The following KCTD15 variants were observed in gnomAD, a reference collection of about 807,000 sequenced individuals.
KCTD15 encodes potassium channel tetramerization domain containing 15, also known as BTB/POZ domain-containing protein KCTD15.
In KCTD15, 11 loss-of-function variants were observed where a neutral mutation model predicts 27.2. That is an observed-to-expected ratio of 0.41 (90% CI 0.25 to 0.67). The LOEUF (loss-of-function observed/expected upper bound fraction) is 0.67, where lower values mean the gene tolerates loss of function less well. Among genes scored for constraint, KCTD15 ranks in the 30% least tolerant of loss-of-function variants. The pLI is 0.35. For synonymous variants in KCTD15, 163 were observed against 176.0 expected (o/e 0.93, Z 0.58); for missense variants, 350 against 409.3 (o/e 0.86, Z 1.25).
At chr19:33,801,637 G>A (rs77934343) in intron 4 of KCTD15, 4,595 of 299,888 alleles carry the variant, frequency 0.015, 66 homozygotes, top group Non-Finnish European at 0.024. Context: ...GCCTGAGCCT[G>A]CCGGCAGCGG....
chr19:33,797,271 T>TGTGTGTGTGTGA (rs992956752), intron 1 of KCTD15: 2 of 306,252 alleles, frequency 6.5e-6, no homozygotes, highest in Non-Finnish European at 1.3e-5. Context: ...TGTGTGTGTG[T>TGTGTGTGTGTGA]GTGTGTGTGT....
At chr19:33,799,456 T>G (rs558907393) in intron 2 of KCTD15, 1 of 152,378 alleles carries the variant, frequency 6.6e-6, no homozygotes, top group East Asian at 1.9e-4. Flanking sequence ...ACTATTCACG[T>G]GCAAATCTCC....
intron 5 of KCTD15, 97 bp from the exon 6 acceptor site, chr19:33,811,150 A>G (rs1056457826): frequency 2.9e-6 from 3 of 1,046,056 alleles, no homozygotes; most frequent in South Asian, 1.6e-5. Flanking sequence ...CAGTTCCTGC[A>G]GAATTGGTTG....
At position 33,811,381 on chromosome 19, in the gene KCTD15, G is replaced by C; in HGVS notation, c.522G>C (p.Thr174=). Residue 174 remains threonine, a synonymous_variant, in exon 6 of 7, where the codon ACG becomes ACC. Transcript: ENST00000683859. ...RACDCLVVRV[T]PDLGERIALS... is the part of the protein sequence containing the mutation. ...GTGACTGCCTGGTGGTGCGCGTCAC[G>C]CCCGACTTGGGCGAGCGGATCGCAC... 1 of 1,596,458 alleles carries C rather than the reference G, an allele frequency of 6.3e-7. No individual in the cohort carries two copies. The highest frequency in any genetic ancestry group is 8.5e-7 in the Non-Finnish European group (1 of 1,172,216).
At chr19:33,797,772 A>G (rs1029884102) in intron 1 of KCTD15, among the ~76,000 whole-genome samples, 3 of 152,234 alleles carry the variant, frequency 2.0e-5, no homozygotes, top group Non-Finnish European at 4.4e-5. Context: ...TCAAATGTGC[A>G]TGAAGGAATT....
chr19:33,811,566 G>C lies in KCTD15; in HGVS notation c.693+14G>C, dbSNP rs574936140. The C allele has an allele frequency of 4.8e-5, 76 of 1,582,162 alleles. 1 individual carries two copies. In the South Asian group the frequency reaches 8.3e-4, roughly 17 times the overall value. On this transcript the variant is annotated intron_variant, in intron 6 of 6. Coordinates refer to ENST00000683859, the MANE Select transcript of KCTD15 (RefSeq NM_001129994.2). ...AACTCGGTACAGGTGAGGGCTGCAC[G>C]CTGCCCCCTCCCCGCCGCACCCCCG...
At position 33,813,215 on chromosome 19, in the gene KCTD15, C is replaced by A; in HGVS notation, c.*267C>A. The A allele has an allele frequency of 1.6e-6, 1 of 639,412 alleles. No homozygotes were observed. Among genetic ancestry groups the A allele is most frequent in the Non-Finnish European group, 2.9e-6 (1 of 348,572 alleles). 39.6% of individuals were successfully genotyped at this position (639,412 alleles called of 1,614,324 possible). ...TCTCCCAGCCCCTCAGCTTCGCAGC[C>A]TGGCGCAGCATCCTCTGAGGCCCCG... is the stretch of plus-strand genomic sequence containing the variant. On this transcript the variant is annotated 3_prime_UTR_variant, in exon 7 of 7. Transcript: ENST00000683859.
intron 5 of KCTD15, among the ~76,000 whole-genome samples, chr19:33,808,790 C>T (rs1373842996): frequency 6.6e-6 from 1 of 152,050 alleles, no homozygotes; most frequent in Non-Finnish European, 1.5e-5. Flanking sequence ...TGGGTGGAGG[C>T]TTTGGATGGA....
At chr19:33,802,062 G>A (rs1256034290) in intron 4 of KCTD15, among the ~76,000 whole-genome samples, 1 of 152,182 alleles carries the variant, frequency 6.6e-6, no homozygotes, top group Non-Finnish European at 1.5e-5. Flanking sequence ...GGTTTGGGGT[G>A]CTGGGTGCTG....
Position 33,806,953 on chromosome 19 carries a change from C to T in KCTD15, c.333C>T (p.Arg111=). ...TTGACCGGGATGGGGAGATTTTCCG[C>T]TACGTCCTGAGCTTCCTGCGGACGT... ...YFIDRDGEIF[R]YVLSFLRTSK... Residue 111 remains arginine (R), a synonymous_variant, in exon 5 of 7, where the codon CGC becomes CGT. Transcript: ENST00000683859. 1.2e-6 allele frequency: 2 copies of T among 1,614,202 alleles called. No individual in the cohort carries two copies.
chr19:33,807,083 T>C, intron 5 of KCTD15, 76 bp downstream of exon 5: 2 of 1,479,404 alleles, frequency 1.4e-6, no homozygotes, highest in East Asian at 2.3e-5. Flanking sequence ...ACTTAATAAG[T>C]GGACCCCTGG....
At chr19:33,805,755 C>T (rs574416483) in intron 4 of KCTD15, among the ~76,000 whole-genome samples, 1 of 152,312 alleles carries the variant, frequency 6.6e-6, no homozygotes, top group African/African-American at 2.4e-5. Flanking sequence ...CTTGGCTACT[C>T]CCACCCCTCT....
chr19:33,800,378 C>A, intron 2 of KCTD15, 50 bp from the exon 3 acceptor site: 1 of 1,421,940 alleles, frequency 7.0e-7, no homozygotes, highest in Non-Finnish European at 9.7e-7. Context: ...CCCCATGGTA[C>A]ATGACTAGGA....
At chr19:33,804,229 C>T (rs1004630550) in intron 4 of KCTD15, among the ~76,000 whole-genome samples, 2 of 152,208 alleles carry the variant, frequency 1.3e-5, no homozygotes, top group South Asian at 2.1e-4. Context: ...GTACAGCTGC[C>T]GCTTGATCCA....
upstream of KCTD15, among the ~76,000 whole-genome samples, chr19:33,794,444 A>G (rs986269585): frequency 2.0e-5 from 3 of 152,336 alleles, no homozygotes; most frequent in South Asian, 4.1e-4. Context: ...GTATTAATTT[A>G]TATGTATATA....
intron 5 of KCTD15, 21 bp downstream of exon 5, chr19:33,807,028 C>T (rs1975734050): frequency 6.2e-7 from 1 of 1,611,066 alleles, no homozygotes; most frequent in African/African-American, 1.3e-5. Flanking sequence ...GGCTGGTGGC[C>T]CCCCTGCACT....
Position 33,813,432 on chromosome 19 carries a change from T to C in KCTD15, c.*484T>C, listed in dbSNP as rs186215058. ...GCTGACAAGGACCAATGCTTCTTTATCTGGTGCTCAGTTCTCAGTCAGACG... is the reference window on the plus strand; with the variant it reads ...GCTGACAAGGACCAATGCTTCTTTACCTGGTGCTCAGTTCTCAGTCAGACG... On this transcript the variant is annotated 3_prime_UTR_variant, in exon 7 of 7. Transcript: ENST00000683859. 4.4e-6 allele frequency: 2 copies of C among 457,006 alleles called. No individual in the cohort carries two copies. Among genetic ancestry groups the C allele is most frequent in the Non-Finnish European group, 8.8e-6 (2 of 227,364 alleles). The allele number at this position is 457,006 out of a possible 1,614,324, so 28.3% of individuals were successfully genotyped here. A position where few individuals can be genotyped will look rare whatever the true frequency, so the allele number is the denominator to read the frequency against.
intron 5 of KCTD15, 56 bp from the exon 6 acceptor site, chr19:33,811,191 T>TCCCCCCCCCCCCCTCCCCCC: frequency 1.6e-6 from 1 of 615,002 alleles, no homozygotes. Context: ...CTCTCCCCCT[T>TCCCCCCCCCCCCCTCCCCCC]CCCCCACCAC....
intron 6 of KCTD15, chr19:33,812,447 G>A: frequency 9.2e-7 from 1 of 1,090,612 alleles, no homozygotes; most frequent in Non-Finnish European, 1.1e-6. Context: ...CATGTGTCTG[G>A]AGAGAGGGCA....
Sources: gnomAD v4.1 joint callset for allele counts (sites outside exome capture counted in the v4.1 genomes callset) on GRCh38, gnomAD v4.1.1 for gene constraint, MANE v1.5 for transcripts, NCBI Gene and HGNC (gene_info 2026-07-23, HGNC 2026-07-21) for gene names.